Variants in THSD4 observed in about 807,000 individuals in gnomAD.
THSD4 encodes the protein thrombospondin type-1 domain-containing protein 4.
In THSD4, 69 loss-of-function variants were observed where a neutral mutation model predicts 119.0. The observed-to-expected ratio is 0.58, with a 90% CI of 0.48 to 0.71. THSD4 has a LOEUF of 0.71. THSD4 is among the 30% of genes least tolerant of loss of function. The probability of loss-of-function intolerance (pLI) is 0.00; values close to 1 mark genes in which losing one functional copy is unlikely to be tolerated. For synonymous variants in THSD4, 524 were observed against 540.4 expected (o/e 0.97, Z 0.42); for missense variants, 1,393 against 1,391.1 (o/e 1.00, Z -0.02).
chr15:71,158,710 C>T (rs561251205), intron 3 of THSD4, among the ~76,000 whole-genome samples: 114 of 151,676 alleles, frequency 7.5e-4, no homozygotes, highest in African/African-American at 2.7e-3. Context: ...ATATTAGCCC[C>T]TTGTCAGATG....
At chr15:71,678,581 G>T (rs1416071080) in intron 8 of THSD4, among the ~76,000 whole-genome samples, 1 of 152,218 alleles carries the variant, frequency 6.6e-6, no homozygotes, top group Non-Finnish European at 1.5e-5. Flanking sequence ...AAACCTTGAA[G>T]TCTTGCAGAT....
At chr15:71,576,736 G>C (rs1333582221) in intron 7 of THSD4, among the ~76,000 whole-genome samples, 1 of 152,108 alleles carries the variant, frequency 6.6e-6, no homozygotes, top group Non-Finnish European at 1.5e-5. Flanking sequence ...GGAAATTTTA[G>C]TATCCTTTCT....
rs75731789 is a variant in THSD4, at chr15:71,123,393, C to T, written c.-80+7695C>T. Among the ~76,000 whole-genome samples, 50 of 152,262 alleles carry T rather than the reference C, an allele frequency of 3.3e-4. No homozygotes were observed. The East Asian group carries it at 8.1e-3, about 25-fold the overall frequency. The stretch of plus-strand genomic sequence containing the variant: ...TAATCTCTTTAAGCTTCAGTTTCCT[C>T]ATGTATGAAATGGGCTAACAATCTC... On this transcript the variant is annotated intron_variant, in intron 1 of 17. Transcript: ENST00000261862.
At chr15:71,411,613 AG>A in intron 6 of THSD4, 73 bp from the exon 7 acceptor site, 1 of 1,459,364 alleles carries the variant, frequency 6.9e-7, no homozygotes, top group South Asian at 1.3e-5. Flanking sequence ...GGAAGAAAAA[AG>A]GTGCTGATTC....
chr15:71,144,407 G>A (rs889409505), intron 2 of THSD4, among the ~76,000 whole-genome samples: 2 of 152,194 alleles, frequency 1.3e-5, no homozygotes, highest in South Asian at 4.1e-4. Flanking sequence ...GACAAAAGTG[G>A]TAGATGAGAA....
intron 7 of THSD4, chr15:71,547,913 T>C (rs1486228896): frequency 1.3e-5 from 2 of 151,914 alleles, no homozygotes; most frequent in African/African-American, 4.9e-5. Flanking sequence ...ACTTCTCTCT[T>C]TTTTTTTTTC....
At chr15:71,188,815 C>G (rs966347159) in intron 3 of THSD4, 1 of 152,606 alleles carries the variant, frequency 6.6e-6, no homozygotes, top group Admixed American at 6.5e-5. Context: ...GATACACTTA[C>G]AGGAGCAGGC....
intron 7 of THSD4, among the ~76,000 whole-genome samples, chr15:71,552,551 G>A (rs1323428005): frequency 6.6e-6 from 1 of 152,212 alleles, no homozygotes; most frequent in Admixed American, 6.5e-5. Context: ...TAGCCAGTCA[G>A]CTATGTGGAA....
At chr15:71,256,836 A>T in intron 6 of THSD4, 121 bp downstream of exon 6, 1 of 842,698 alleles carries the variant, frequency 1.2e-6, no homozygotes, top group Non-Finnish European at 1.9e-6. Context: ...TAGGGGAGAA[A>T]GTGTGACTCC....
At chr15:71,522,304 A>G (rs2048453388) in intron 7 of THSD4, among the ~76,000 whole-genome samples, 1 of 152,166 alleles carries the variant, frequency 6.6e-6, no homozygotes, top group South Asian at 2.1e-4. Flanking sequence ...TATTATTATT[A>G]TAACCAAGTT....
chr15:71,309,036 G>T (rs970323631), intron 6 of THSD4, among the ~76,000 whole-genome samples: 1 of 152,070 alleles, frequency 6.6e-6, no homozygotes, highest in East Asian at 1.9e-4. Context: ...TGCAACTTCC[G>T]CCTCCCAGGC....
chr15:71,366,583 A>G (rs1046288578), intron 6 of THSD4, among the ~76,000 whole-genome samples: 12 of 152,102 alleles, frequency 7.9e-5, no homozygotes, highest in African/African-American at 2.9e-4. Flanking sequence ...GTTTTTCCCA[A>G]TGGCCCGCAC....
intron 7 of THSD4, among the ~76,000 whole-genome samples, chr15:71,615,534 T>C (rs1054842832): frequency 3.3e-5 from 5 of 152,158 alleles, no homozygotes; most frequent in Admixed American, 3.3e-4. Flanking sequence ...GAATGAATAT[T>C]TTTTTAAACA....
intron 7 of THSD4, among the ~76,000 whole-genome samples, chr15:71,481,339 T>C (rs1371339306): frequency 6.6e-6 from 1 of 152,134 alleles, no homozygotes; most frequent in Non-Finnish European, 1.5e-5. Flanking sequence ...AAAATCAGAG[T>C]CATTCCTTCA....
At chr15:71,426,428 C>T (rs1025138698) in intron 7 of THSD4, among the ~76,000 whole-genome samples, 11 of 150,718 alleles carry the variant, frequency 7.3e-5, no homozygotes, top group Non-Finnish European at 1.3e-4. Context: ...ATGTCCATTT[C>T]CCTCCTTTAT....
Position 71,215,058 on chromosome 15 carries a change from GGGC to G in THSD4, c.125_127del (p.Gly42del). 7.7e-7 allele frequency: 1 copy of G among 1,293,364 alleles called. No individual in the cohort carries two copies. The highest frequency in any genetic ancestry group is 9.8e-7 in the Non-Finnish European group (1 of 1,016,756). 80.1% of individuals were successfully genotyped at this position (1,293,364 alleles called of 1,614,324 possible). ...AGGTCCCGCAGCGGATGGCGGCGGA[GGGC>G]GCCCCCGAGGACGACGGCGGCGGCG... On this transcript the variant is annotated inframe_deletion, in exon 4 of 18. Transcript: ENST00000261862.
intron 6 of THSD4, among the ~76,000 whole-genome samples, chr15:71,317,730 T>A (rs577489311): frequency 2.1e-4 from 32 of 152,220 alleles, no homozygotes; most frequent in African/African-American, 7.5e-4. Context: ...GTGGGATAGT[T>A]GAGGACTGGG....
chr15:71,550,360 A>G (rs2048908240), intron 7 of THSD4, among the ~76,000 whole-genome samples: 2 of 152,304 alleles, frequency 1.3e-5, no homozygotes, highest in Admixed American at 6.5e-5. Flanking sequence ...AGGGAGGGAG[A>G]TGCAACTAGA....
intron 7 of THSD4, among the ~76,000 whole-genome samples, chr15:71,656,294 C>T (rs2051190877): frequency 6.6e-6 from 1 of 152,050 alleles, no homozygotes; most frequent in South Asian, 2.1e-4. Context: ...AAGATATTAT[C>T]GTTAGGGAAA....
Sources: gnomAD v4.1 joint callset for allele counts (sites outside exome capture counted in the v4.1 genomes callset) on GRCh38, gnomAD v4.1.1 for gene constraint, MANE v1.5 for transcripts, NCBI Gene and HGNC (gene_info 2026-07-23, HGNC 2026-07-21) for gene names.